Variants in PHF14 observed in about 807,000 individuals in gnomAD.
The protein encoded by PHF14 is PHD finger protein 14.
PHF14 carries 55 observed loss-of-function variants against 117.9 expected under a neutral mutation model. That is an observed-to-expected ratio of 0.47 (90% CI 0.38 to 0.58). The LOEUF is 0.58. PHF14 is among the 20% of genes least tolerant of loss of function. The pLI is 0.00. For synonymous variants in PHF14, 409 were observed against 368.6 expected (o/e 1.11, Z -1.26); for missense variants, 978 against 1,122.2 (o/e 0.87, Z 1.84).
At position 10,999,131 on chromosome 7, in the gene PHF14, T is replaced by C. The variant is rs189408303; in HGVS notation, c.1045+8284T>C. On this transcript the variant is annotated intron_variant, in intron 4 of 17. Transcript: ENST00000634607. ...CTCAAACAATCTTCTTGTTTCAGCT[T>C]CCTGAGTAGCTGTGACTAAAGGCAT... 2.8e-3 allele frequency among the ~76,000 whole-genome samples: 420 copies of C among 152,320 alleles called. 3 individuals are homozygous for C. Among genetic ancestry groups the C allele is most frequent in the African/African-American group, 9.8e-3 (408 of 41,570 alleles).
At chr7:11,004,995 C>T (rs6970208) in intron 4 of PHF14, among the ~76,000 whole-genome samples, 3,180 of 151,632 alleles carry the variant, frequency 0.021, 124 homozygotes, top group African/African-American at 0.073. Context: ...CCAGCCTGGG[C>T]AATAGAGCGA....
At chr7:11,017,550 CTTT>C (rs370143387) in intron 5 of PHF14, among the ~76,000 whole-genome samples, 1 of 151,904 alleles carries the variant, frequency 6.6e-6, no homozygotes, top group African/African-American at 2.4e-5. Context: ...TTTTATATGT[CTTT>C]TTTTGAGAAA....
At chr7:10,977,469 A>C (rs1423035125) in intron 2 of PHF14, among the ~76,000 whole-genome samples, 2 of 152,160 alleles carry the variant, frequency 1.3e-5, no homozygotes, top group African/African-American at 4.8e-5. Flanking sequence ...TTTAAGAATA[A>C]ATATAGAAAA....
At chr7:11,113,327 A>G (rs1210997785) in intron 17 of PHF14, among the ~76,000 whole-genome samples, 1 of 152,152 alleles carries the variant, frequency 6.6e-6, no homozygotes, top group African/African-American at 2.4e-5. Flanking sequence ...AGGTGCCAGT[A>G]GCCATTGGAT....
At chr7:11,157,256 A>G (rs1042688076) in intron 17 of PHF14, among the ~76,000 whole-genome samples, 1 of 152,224 alleles carries the variant, frequency 6.6e-6, no homozygotes, top group Non-Finnish European at 1.5e-5. Flanking sequence ...TTCTAGGAAT[A>G]GACGTGACTT....
At chr7:11,054,716 A>G (rs1279455479) in intron 14 of PHF14, among the ~76,000 whole-genome samples, 3 of 152,178 alleles carry the variant, frequency 2.0e-5, no homozygotes, top group Admixed American at 1.3e-4. Flanking sequence ...TTTGCAATAT[A>G]TAACTAATTT....
At chr7:11,071,582 A>T (rs1785613525) in intron 16 of PHF14, among the ~76,000 whole-genome samples, 1 of 152,222 alleles carries the variant, frequency 6.6e-6, no homozygotes, top group Admixed American at 6.5e-5. Context: ...AATGATTTTT[A>T]GTACATTTGT....
chr7:11,122,446 T>C (rs1787804871), intron 17 of PHF14, among the ~76,000 whole-genome samples: 1 of 141,742 alleles, frequency 7.1e-6, no homozygotes, highest in African/African-American at 2.7e-5. Context: ...TATATACGTA[T>C]ATATATATAT....
chr7:11,002,690 C>G (rs752454425), intron 4 of PHF14, among the ~76,000 whole-genome samples: 1 of 152,088 alleles, frequency 6.6e-6, no homozygotes, highest in Non-Finnish European at 1.5e-5. Context: ...GTGATCCACT[C>G]GCCTCTGCCT....
chr7:11,051,721 G>A lies in PHF14; in HGVS notation c.2422G>A (p.Val808Met), dbSNP rs1304532344. Residue 808 changes from valine to methionine, a missense_variant, in exon 14 of 18, where the codon GTG becomes ATG. By Grantham distance (21) the Val-to-Met change is conservative. This residue lies in a region of PHF14 where 180 missense variants were observed against 195.4 expected (regional missense o/e 0.92). Coordinates refer to ENST00000634607, the MANE Select transcript of PHF14 (RefSeq NM_001007157.2). Reference protein sequence around the residue: ...KRSRRQIKEPVKFVPQDVPPE... With the variant: ...KRSRRQIKEPMKFVPQDVPPE... The stretch of plus-strand genomic sequence containing the variant: ...ATCAAGGAGGCAGATTAAGGAACCA[G>A]TGAAATTTGTTCCACAGGATGTGCC... The A allele has an allele frequency of 2.5e-6, 4 of 1,613,738 alleles. No homozygotes were observed. Among genetic ancestry groups the A allele is most frequent in the Non-Finnish European group, 3.4e-6 (4 of 1,179,724 alleles).
intron 4 of PHF14, among the ~76,000 whole-genome samples, chr7:10,998,899 T>C (rs1782759204): frequency 6.6e-6 from 1 of 152,224 alleles, no homozygotes; most frequent in Admixed American, 6.5e-5. Context: ...ACTTCTTAGA[T>C]TGTGGTCATT....
intron 4 of PHF14, among the ~76,000 whole-genome samples, chr7:11,012,158 A>C (rs1783378271): frequency 2.6e-5 from 4 of 152,190 alleles, no homozygotes; most frequent in Admixed American, 1.3e-4. Context: ...TGATTTACCA[A>C]GATATTGTCA....
At chr7:11,066,159 T>C (rs921583674) in intron 16 of PHF14, among the ~76,000 whole-genome samples, 3 of 152,246 alleles carry the variant, frequency 2.0e-5, no homozygotes, top group African/African-American at 7.2e-5. Flanking sequence ...GGCTTGTCAG[T>C]GCATCCTCCC....
chr7:11,088,708 A>G (rs796571197), intron 16 of PHF14, among the ~76,000 whole-genome samples: 7 of 152,324 alleles, frequency 4.6e-5, no homozygotes, highest in African/African-American at 1.7e-4. Flanking sequence ...ATTTATAGCT[A>G]TAGTTATAGT....
intron 4 of PHF14, among the ~76,000 whole-genome samples, chr7:11,006,191 A>C (rs1190651368): frequency 1.3e-5 from 2 of 152,162 alleles, no homozygotes; most frequent in Non-Finnish European, 2.9e-5. Flanking sequence ...ATAACATTGC[A>C]TATTTGTAAA....
intron 8 of PHF14, 74 bp downstream of exon 8, chr7:11,035,860 C>A (rs988014393): frequency 1.8e-6 from 2 of 1,142,076 alleles, no homozygotes; most frequent in Admixed American, 2.2e-5. Context: ...CGTGTGGCTT[C>A]CAGTGACATG....
rs565839906 is a variant in PHF14, at chr7:10,978,947, T to C, written c.113-3425T>C. 2.1e-4 allele frequency among the ~76,000 whole-genome samples: 32 copies of C among 152,310 alleles called. No individual in the cohort carries two copies. The South Asian group carries it at 6.6e-3, about 32-fold the overall frequency. ...AGACATATACGGTTTTGGTCAAACATAGCCCTGGGATAGCTGTAAATAACT... is the reference window on the plus strand; with the variant it reads ...AGACATATACGGTTTTGGTCAAACACAGCCCTGGGATAGCTGTAAATAACT... On this transcript the variant is annotated intron_variant, in intron 2 of 17. Transcript: ENST00000634607.
chr7:11,064,139 A>G (rs868284272), intron 16 of PHF14, among the ~76,000 whole-genome samples: 64 of 152,050 alleles, frequency 4.2e-4, no homozygotes, highest in African/African-American at 1.4e-3. Context: ...TTTGGTTATA[A>G]TGTGATCTTT....
intron 17 of PHF14, among the ~76,000 whole-genome samples, chr7:11,165,877 T>G (rs961563070): frequency 5.3e-5 from 8 of 152,220 alleles, no homozygotes; most frequent in Admixed American, 1.3e-4. Flanking sequence ...TGTGTTTACT[T>G]AATTTCTCTG....
Sources: allele counts gnomAD v4.1 joint callset (sites outside exome capture counted in the v4.1 genomes callset), GRCh38; gene constraint gnomAD v4.1.1; regional missense constraint gnomAD v4.1.1; transcripts MANE v1.5; gene names NCBI Gene and HGNC (gene_info 2026-07-23, HGNC 2026-07-21).